The following TMEM132D variants were observed in gnomAD, a reference collection of about 807,000 sequenced individuals.
The protein encoded by TMEM132D is mature OL transmembrane protein.
In TMEM132D, 21 loss-of-function variants were observed where a neutral mutation model predicts 62.3. That is an observed-to-expected ratio of 0.34 (90% confidence interval 0.24 to 0.49). The LOEUF (loss-of-function observed/expected upper bound fraction) is 0.49. Ranked by LOEUF, TMEM132D falls within the 20% of genes least tolerant of loss-of-function variation. The pLI is 0.99. For synonymous variants in TMEM132D, 621 were observed against 575.6 expected, an observed-to-expected ratio of 1.08 and a Z score of -1.13; for missense variants, 1,346 against 1,402.8, an observed-to-expected ratio of 0.96 and a Z score of 0.65.
At chr12:129,475,052 G>A (rs1874217780) in intron 3 of TMEM132D, among the ~76,000 whole-genome samples, 1 of 152,036 alleles carries the variant, frequency 6.6e-6, no homozygotes, top group Non-Finnish European at 1.5e-5. Flanking sequence ...AACTTTGAAG[G>A]GGTTAACAGA....
chr12:129,107,717 C>G (rs1043124051), intron 5 of TMEM132D, among the ~76,000 whole-genome samples: 9 of 152,284 alleles, frequency 5.9e-5, no homozygotes, highest in East Asian at 1.9e-4. Flanking sequence ...GAGACAGTCT[C>G]ACTCTGTCAC....
At chr12:129,337,872 G>T (rs911229762) in intron 3 of TMEM132D, 55 bp from the exon 4 acceptor site, 6 of 1,519,918 alleles carry the variant, frequency 3.9e-6, no homozygotes, top group Non-Finnish European at 5.3e-6. Context: ...GGTATGGCAC[G>T]CTTGGCAGAG....
At position 129,816,900 on chromosome 12, in the gene TMEM132D, C is replaced by CACAA. The variant is rs1208690864; in HGVS notation, c.79+86357_79+86360dup. On this transcript the variant is annotated intron_variant, in intron 1 of 8. Transcript: ENST00000422113. ...AAAGACAAGAATTCTGGAATTTAATCACAAACAGGAACATAAATAGATACC... is the reference window on the plus strand; with the variant it reads ...AAAGACAAGAATTCTGGAATTTAATCACAAACAAACAGGAACATAAATAGATACC... Among the ~76,000 whole-genome samples, 15 of 152,250 alleles carry CACAA rather than the reference C, an allele frequency of 9.9e-5. No homozygotes were observed. The East Asian group carries it at 2.9e-3, about 29-fold the overall frequency.
intron 1 of TMEM132D, among the ~76,000 whole-genome samples, chr12:129,786,320 G>A (rs1417067646): frequency 6.6e-6 from 1 of 152,166 alleles, no homozygotes; most frequent in Non-Finnish European, 1.5e-5. Flanking sequence ...ACCCTGTACT[G>A]TGGGTGTGGA....
At chr12:129,511,558 A>G (rs1322661438) in intron 3 of TMEM132D, among the ~76,000 whole-genome samples, 1 of 152,224 alleles carries the variant, frequency 6.6e-6, no homozygotes, top group Non-Finnish European at 1.5e-5. Context: ...TGGACGTGAT[A>G]GTTTAAATTT....
rs1555230635 is a variant in TMEM132D, at chr12:129,770,140, G to GGT, written c.80-69443_80-69442insAC. 6.7e-5 allele frequency among the ~76,000 whole-genome samples: 7 copies of GGT among 104,348 alleles called. 1 individual carries two copies. Among genetic ancestry groups the GGT allele is most frequent in the Admixed American group, 3.6e-4 (3 of 8,406 alleles). 68.5% of individuals were successfully genotyped at this position (104,348 alleles called of 152,430 possible). The stretch of plus-strand genomic sequence containing the variant: ...ATGAGATTCTTTGTGGGTTTTTTTG[G>GGT]TTGTTTTTTTTTTTTTTTTTTGAGA... On this transcript the variant is annotated intron_variant, in intron 1 of 8. Transcript: ENST00000422113.
intron 3 of TMEM132D, among the ~76,000 whole-genome samples, chr12:129,420,320 T>TTTTTTTTTTTTTTTTTTTTA (rs1566063108): frequency 6.8e-6 from 1 of 147,154 alleles, no homozygotes; most frequent in Non-Finnish European, 1.5e-5. Context: ...TTTTTTTTTT[T>TTTTTTTTTTTTTTTTTTTTA]TTTTTTTTTT....
At chr12:129,750,145 G>A (rs1268327863) in intron 1 of TMEM132D, among the ~76,000 whole-genome samples, 1 of 152,032 alleles carries the variant, frequency 6.6e-6, no homozygotes, top group African/African-American at 2.4e-5. Flanking sequence ...GAGTGCAGTG[G>A]TGCGATCTCG....
chr12:129,522,880 A>G (rs1875893201), intron 3 of TMEM132D: 1 of 152,046 alleles, frequency 6.6e-6, no homozygotes, highest in South Asian at 2.1e-4. Context: ...AGCTATACAG[A>G]TTAGATATAT....
At chr12:129,669,707 G>A (rs1385112738) in intron 2 of TMEM132D, among the ~76,000 whole-genome samples, 2 of 123,256 alleles carry the variant, frequency 1.6e-5, no homozygotes, top group Non-Finnish European at 3.4e-5. Context: ...TCCATCTCAA[G>A]AAATAAAAAT....
At chr12:129,189,557 G>T (rs1343932393) in intron 5 of TMEM132D, among the ~76,000 whole-genome samples, 1 of 152,192 alleles carries the variant, frequency 6.6e-6, no homozygotes, top group African/African-American at 2.4e-5. Context: ...ATAGCCCACC[G>T]TGCATCTGAC....
chr12:129,524,087 G>C (rs545276355), intron 3 of TMEM132D, among the ~76,000 whole-genome samples: 46 of 152,122 alleles, frequency 3.0e-4, no homozygotes, highest in African/African-American at 1.1e-3. Flanking sequence ...GTCGTGGGGT[G>C]GGGGGAGTGG....
chr12:129,412,413 T>C (rs993119218), intron 3 of TMEM132D, among the ~76,000 whole-genome samples: 5 of 152,212 alleles, frequency 3.3e-5, no homozygotes, highest in Non-Finnish European at 1.5e-5. Flanking sequence ...ACAAGTGCCC[T>C]CTTTATGATG....
intron 2 of TMEM132D, among the ~76,000 whole-genome samples, chr12:129,567,420 G>A (rs269160): frequency 0.54 from 82,614 of 151,892 alleles, 23,095 homozygotes; most frequent in East Asian, 0.92. Flanking sequence ...AAGCCACCAC[G>A]TGACAAGTTT....
intron 4 of TMEM132D, among the ~76,000 whole-genome samples, chr12:129,263,376 C>T (rs1219926998): frequency 6.6e-6 from 1 of 152,174 alleles, no homozygotes; most frequent in Non-Finnish European, 1.5e-5. Context: ...TAGCTTACTT[C>T]ACCAAATGCT....
At chr12:129,354,485 G>A (rs146891728) in intron 3 of TMEM132D, among the ~76,000 whole-genome samples, 137 of 151,986 alleles carry the variant, frequency 9.0e-4, no homozygotes, top group African/African-American at 2.9e-3. Flanking sequence ...CACCACGCCC[G>A]GTTAATTTTT....
intron 4 of TMEM132D, among the ~76,000 whole-genome samples, chr12:129,248,367 A>G (rs940127391): frequency 1.3e-5 from 2 of 152,222 alleles, no homozygotes; most frequent in Non-Finnish European, 2.9e-5. Context: ...CTTCCTTGCA[A>G]GTAAAATATC....
chr12:129,502,944 G>A (rs1042199555), intron 3 of TMEM132D, among the ~76,000 whole-genome samples: 5 of 152,148 alleles, frequency 3.3e-5, no homozygotes, highest in Admixed American at 3.3e-4. Flanking sequence ...TTTGCCACTA[G>A]AATGTAACCT....
At chr12:129,267,821 G>C (rs1408555734) in intron 4 of TMEM132D, among the ~76,000 whole-genome samples, 1 of 152,124 alleles carries the variant, frequency 6.6e-6, no homozygotes, top group African/African-American at 2.4e-5. Context: ...GCATGGTACT[G>C]GTACCAAAAC....
Sources: allele counts gnomAD v4.1 joint callset (sites outside exome capture counted in the v4.1 genomes callset), GRCh38; gene constraint gnomAD v4.1.1; transcripts MANE v1.5; gene names NCBI Gene and HGNC (gene_info 2026-07-23, HGNC 2026-07-21).